FLT3: variants seen among roughly 807,000 people sequenced by gnomAD.
FLT3 encodes receptor-type tyrosine-protein kinase FLT3.
Under a neutral mutation model 126.6 loss-of-function variants are expected in FLT3, and 46 were observed. The observed-to-expected ratio is 0.36, with a 90% CI of 0.29 to 0.46. The LOEUF (loss-of-function observed/expected upper bound fraction) is 0.46, where lower values mean the gene tolerates loss of function less well. Ranked by LOEUF, FLT3 falls within the 20% of genes least tolerant of loss-of-function variation. The probability of loss-of-function intolerance (pLI) is 1.00; values close to 1 mark genes in which losing one functional copy is unlikely to be tolerated. For synonymous variants in FLT3, 404 were observed against 434.4 expected, an observed-to-expected ratio of 0.93 and a Z score of 0.87; for missense variants, 1,069 against 1,190.3, an observed-to-expected ratio of 0.90 and a Z score of 1.50.
At chr13:28,091,278 G>T (rs901719492) in intron 1 of FLT3, among the ~76,000 whole-genome samples, 1 of 123,732 alleles carries the variant, frequency 8.1e-6, no homozygotes, top group Non-Finnish European at 1.6e-5. Flanking sequence ...CTGGAGTGCA[G>T]TGGCGCGATC....
chr13:28,087,601 C>G (rs12428707), intron 1 of FLT3, among the ~76,000 whole-genome samples: 24,414 of 152,104 alleles, frequency 0.16, 2,152 homozygotes, highest in Middle Eastern at 0.26. Context: ...TTATTTTTGA[C>G]ATATCTTTAC....
intron 1 of FLT3, among the ~76,000 whole-genome samples, chr13:28,074,758 A>G (rs1593291911): frequency 6.6e-6 from 1 of 151,964 alleles, no homozygotes; most frequent in East Asian, 1.9e-4. Flanking sequence ...CCCCCACCTT[A>G]GCTTCCCGAG....
At chr13:28,067,315 G>A (rs1016090710) in intron 2 of FLT3, among the ~76,000 whole-genome samples, 1 of 152,166 alleles carries the variant, frequency 6.6e-6, no homozygotes, top group Non-Finnish European at 1.5e-5. Context: ...GAGCCACCGT[G>A]CCCAGCCCCT....
At chr13:28,074,645 A>ATT (rs796418675) in intron 1 of FLT3, among the ~76,000 whole-genome samples, 3 of 151,492 alleles carry the variant, frequency 2.0e-5, no homozygotes, top group African/African-American at 7.3e-5. Flanking sequence ...ATTTATTTTT[A>ATT]TTTTTTATTT....
At chr13:28,085,272 AG>A (rs1432607873) in intron 1 of FLT3, among the ~76,000 whole-genome samples, 28 of 142,068 alleles carry the variant, frequency 2.0e-4, no homozygotes, top group Non-Finnish European at 3.8e-4. Context: ...TGAGCCGGGG[AG>A]GCAGAGGTTG....
intron 9 of FLT3, among the ~76,000 whole-genome samples, chr13:28,045,174 T>C: frequency 6.6e-6 from 1 of 152,184 alleles, no homozygotes; most frequent in Admixed American, 6.5e-5. Flanking sequence ...CATTGGCCCA[T>C]GACCCATATG....
chr13:28,096,524 C>T (rs2007264), intron 1 of FLT3, among the ~76,000 whole-genome samples: 24,346 of 151,752 alleles, frequency 0.16, 2,049 homozygotes, highest in Middle Eastern at 0.24. Context: ...GCAACCTCTG[C>T]CTCCCAGGCT....
At chr13:28,011,086 C>T (rs376530872) in intron 23 of FLT3, among the ~76,000 whole-genome samples, 8 of 151,666 alleles carry the variant, frequency 5.3e-5, no homozygotes, top group South Asian at 2.1e-4. Flanking sequence ...CTGAGGTGGG[C>T]GGATCATGAG....
rs916471264 is a variant in FLT3, at chr13:28,100,370, G to C, written c.43+98C>G. The stretch of plus-strand genomic sequence containing the variant: ...GGAAGGAGCGAGCGCGGGGAGGAGC[G>C]AGGCGGCTGGGCCGGAGGAGGCGCG... On this transcript the variant is annotated intron_variant, in intron 1 of 23. Coordinates refer to ENST00000241453, the MANE Select transcript of FLT3 (RefSeq NM_004119.3). This position sits in a 1 kb window ranked among gnomAD's most constrained non-coding sequence, Gnocchi z 4.8. 5.9e-6 allele frequency: 5 copies of C among 843,342 alleles called. No homozygotes were observed. Among genetic ancestry groups the C allele is most frequent in the Non-Finnish European group, 7.8e-6 (5 of 638,986 alleles). 52.2% of individuals were successfully genotyped at this position (843,342 alleles called of 1,614,324 possible).
chr13:28,027,313 C>A (rs1010128075), intron 16 of FLT3, 72 bp from the exon 17 acceptor site: 4 of 1,265,040 alleles, frequency 3.2e-6, no homozygotes, highest in African/African-American at 1.5e-5. Flanking sequence ...ATGTAGCAGA[C>A]AACATACTCT....
At chr13:28,008,292 A>AGG (rs1871091251) in intron 23 of FLT3, among the ~76,000 whole-genome samples, 1 of 148,822 alleles carries the variant, frequency 6.7e-6, no homozygotes, top group African/African-American at 2.4e-5. Context: ...AAAAAAAAAA[A>AGG]AAAAAGGAAA....
intron 8 of FLT3, 144 bp downstream of exon 8, chr13:28,049,240 T>C: frequency 4.9e-6 from 4 of 822,408 alleles, no homozygotes; most frequent in Non-Finnish European, 7.7e-6. Flanking sequence ...GCAGATTATC[T>C]TTGCAAAGCT....
At chr13:28,054,155 A>G (rs1875797523) in intron 4 of FLT3, among the ~76,000 whole-genome samples, 1 of 152,198 alleles carries the variant, frequency 6.6e-6, no homozygotes, top group Non-Finnish European at 1.5e-5. Context: ...CCTTACACAT[A>G]ATGATCATTT....
intron 1 of FLT3, among the ~76,000 whole-genome samples, chr13:28,086,619 C>CGTGTGTGTGTATGTGTGT (rs1555262638): frequency 1.2e-4 from 16 of 134,834 alleles, no homozygotes; most frequent in South Asian, 4.9e-4. Context: ...CTGAAGAACT[C>CGTGTGTGTGTATGTGTGT]GTGTGTGTGT....
intron 15 of FLT3, among the ~76,000 whole-genome samples, chr13:28,030,895 C>CT: frequency 6.6e-6 from 1 of 151,320 alleles, no homozygotes; most frequent in Non-Finnish European, 1.5e-5. Context: ...CAGAGTGAGA[C>CT]CCTATCTCAA....
At chr13:28,050,254 A>G in intron 5 of FLT3, 32 bp from the exon 6 acceptor site, 1 of 1,609,388 alleles carries the variant, frequency 6.2e-7, no homozygotes, top group Non-Finnish European at 8.5e-7. Flanking sequence ...CATTTGGCTA[A>G]ACAAGTTTTA....
chr13:28,094,993 A>G (rs992856258), intron 1 of FLT3, among the ~76,000 whole-genome samples: 2 of 152,186 alleles, frequency 1.3e-5, no homozygotes, highest in Admixed American at 1.3e-4. Context: ...CAGATTCCCC[A>G]AAGACAGAAA....
At chr13:28,011,206 A>C (rs992263046) in intron 23 of FLT3, among the ~76,000 whole-genome samples, 5 of 150,386 alleles carry the variant, frequency 3.3e-5, no homozygotes, top group African/African-American at 1.2e-4. Flanking sequence ...GCTACTCAGG[A>C]GGCTGAGGCA....
chr13:28,057,316 G>A (rs1275838342), intron 4 of FLT3, 31 bp downstream of exon 4: 1 of 944,998 alleles, frequency 1.1e-6, no homozygotes, highest in Non-Finnish European at 1.8e-6. Flanking sequence ...TGGTATTCCA[G>A]GCTGGAATAC....
Sources: allele counts gnomAD v4.1 joint callset (sites outside exome capture counted in the v4.1 genomes callset), GRCh38; gene constraint gnomAD v4.1.1; non-coding constraint Gnocchi (gnomAD v3.1); transcripts MANE v1.5; gene names NCBI Gene and HGNC (gene_info 2026-07-23, HGNC 2026-07-21).